Variants in CNTN1 observed in about 807,000 individuals in gnomAD.
The protein encoded by CNTN1 is contactin 1, also known as contactin-1.
CNTN1 carries 38 observed loss-of-function variants against 126.4 expected under a neutral mutation model. The observed-to-expected ratio is 0.30, with a 90% CI of 0.23 to 0.39. CNTN1 has a LOEUF of 0.39. CNTN1 is among the 10% of genes least tolerant of loss of function. The probability of loss-of-function intolerance (pLI) is 1.00; values close to 1 mark genes in which losing one functional copy is unlikely to be tolerated. For synonymous variants in CNTN1, 413 were observed against 422.6 expected, an observed-to-expected ratio of 0.98 and a Z score of 0.28; for missense variants, 1,009 against 1,248.4, an observed-to-expected ratio of 0.81 and a Z score of 2.89.
chr12:40,709,282 T>C (rs573425911), intron 1 of CNTN1, among the ~76,000 whole-genome samples: 1 of 152,330 alleles, frequency 6.6e-6, no homozygotes, highest in African/African-American at 2.4e-5. Context: ...AAAGATTGTT[T>C]TTTTTCTGAG....
intron 23 of CNTN1, among the ~76,000 whole-genome samples, chr12:41,030,271 T>C (rs1949121793): frequency 6.6e-6 from 1 of 152,082 alleles, no homozygotes; most frequent in African/African-American, 2.4e-5. Flanking sequence ...AAAAATCCTT[T>C]ACCACAATGC....
chr12:40,799,783 G>T (rs1236024761), intron 1 of CNTN1, among the ~76,000 whole-genome samples: 1 of 151,828 alleles, frequency 6.6e-6, no homozygotes, highest in Non-Finnish European at 1.5e-5. Context: ...CACTATGCTT[G>T]GTACGTTTTT....
At chr12:40,949,740 A>AT (rs924827274) in intron 14 of CNTN1, among the ~76,000 whole-genome samples, 4 of 150,192 alleles carry the variant, frequency 2.7e-5, no homozygotes, top group Admixed American at 6.6e-5. Flanking sequence ...ACACCTGACC[A>AT]TTTTTTTGTA....
At chr12:40,782,829 T>A (rs1283033055) in intron 1 of CNTN1, among the ~76,000 whole-genome samples, 1 of 151,876 alleles carries the variant, frequency 6.6e-6, no homozygotes, top group Non-Finnish European at 1.5e-5. Flanking sequence ...ATAAAAAAAA[T>A]TTAAAATGAC....
At chr12:40,945,374 C>G (rs1220244172) in intron 14 of CNTN1, among the ~76,000 whole-genome samples, 1 of 151,920 alleles carries the variant, frequency 6.6e-6, no homozygotes, top group Admixed American at 6.6e-5. Flanking sequence ...GGGTTTTATT[C>G]ATTTTAAAGG....
chr12:40,910,179 A>G (rs887328329), intron 3 of CNTN1, 74 bp downstream of exon 3: 37 of 1,187,948 alleles, frequency 3.1e-5, no homozygotes, highest in Admixed American at 5.2e-5. Context: ...GCTTTAAACT[A>G]TTAACTCTCT....
intron 1 of CNTN1, among the ~76,000 whole-genome samples, chr12:40,843,290 A>G (rs1942362001): frequency 6.6e-6 from 1 of 152,218 alleles, no homozygotes; most frequent in Non-Finnish European, 1.5e-5. Context: ...TATTGATTGG[A>G]AAATTAATGG....
intron 1 of CNTN1, among the ~76,000 whole-genome samples, chr12:40,816,096 C>T (rs1223132842): frequency 6.6e-6 from 1 of 152,046 alleles, no homozygotes. Context: ...ATCAGGGATA[C>T]TGGCCTGACA....
chr12:40,744,336 G>A (rs895488389), intron 1 of CNTN1, among the ~76,000 whole-genome samples: 1 of 151,742 alleles, frequency 6.6e-6, no homozygotes, highest in African/African-American at 2.4e-5. Flanking sequence ...AACAAAACAC[G>A]GAGATGAATG....
chr12:40,876,978 C>T (rs953072324), intron 1 of CNTN1, among the ~76,000 whole-genome samples: 1 of 152,004 alleles, frequency 6.6e-6, no homozygotes, highest in African/African-American at 2.4e-5. Context: ...GTTTCAAAAC[C>T]TAGGCACTCA....
intron 23 of CNTN1, among the ~76,000 whole-genome samples, chr12:41,066,555 T>C (rs1202076997): frequency 6.6e-6 from 1 of 152,184 alleles, no homozygotes; most frequent in Non-Finnish European, 1.5e-5. Flanking sequence ...GTTCATAATA[T>C]AGAGATATTA....
chr12:40,734,878 C>T (rs940959467), intron 1 of CNTN1, among the ~76,000 whole-genome samples: 2 of 151,966 alleles, frequency 1.3e-5, no homozygotes, highest in African/African-American at 4.8e-5. Context: ...TGTTTTCTCA[C>T]AAGAAGTATA....
intron 1 of CNTN1, among the ~76,000 whole-genome samples, chr12:40,755,570 AC>A (rs1938576686): frequency 6.6e-6 from 1 of 151,880 alleles, no homozygotes; most frequent in South Asian, 2.1e-4. Flanking sequence ...TTAAAAAAAA[AC>A]AGCTGGGCTT....
intron 1 of CNTN1, among the ~76,000 whole-genome samples, chr12:40,762,822 A>G (rs554809391): frequency 6.6e-6 from 1 of 152,198 alleles, no homozygotes; most frequent in African/African-American, 2.4e-5. Flanking sequence ...TAATAATAAT[A>G]ATGAAAGCAT....
intron 1 of CNTN1, among the ~76,000 whole-genome samples, chr12:40,715,607 C>T (rs1942029358): frequency 1.3e-5 from 2 of 152,044 alleles, no homozygotes; most frequent in African/African-American, 4.8e-5. Context: ...AGCAATAAAT[C>T]TGTTAGGGTC....
At chr12:40,899,945 A>T (rs1362105647) in intron 1 of CNTN1, among the ~76,000 whole-genome samples, 2 of 152,192 alleles carry the variant, frequency 1.3e-5, no homozygotes, top group African/African-American at 2.4e-5. Context: ...TTTTAAAAAA[A>T]TTAAGTAATA....
At chr12:40,986,702 T>C (rs1484006516) in intron 16 of CNTN1, among the ~76,000 whole-genome samples, 3 of 152,136 alleles carry the variant, frequency 2.0e-5, no homozygotes, top group Admixed American at 2.0e-4. Context: ...AGCAGATCTC[T>C]CTCAGCACTC....
At chr12:40,891,017 C>T (rs192740975) in intron 1 of CNTN1, among the ~76,000 whole-genome samples, 18 of 152,256 alleles carry the variant, frequency 1.2e-4, no homozygotes, top group African/African-American at 4.1e-4. Context: ...GGATATGGAA[C>T]AGCAGGAACC....
rs140603936 is a variant in CNTN1 at position 40,925,973 on chromosome 12, A to C, written c.496+1321A>C. On this transcript the variant is annotated intron_variant, in intron 6 of 23. Transcript: ENST00000551295. ...TTTGACCATATTCAATACTGGATGG[A>C]CTTCACTGCATCACTCATTGACTCA... Among the ~76,000 whole-genome samples, 1,319 of 151,068 alleles carry C rather than the reference A, an allele frequency of 8.7e-3. 17 individuals carry two copies. The highest frequency in any genetic ancestry group is 0.03 in the African/African-American group (1,252 of 41,136).
Sources: gnomAD v4.1 joint callset for allele counts (sites outside exome capture counted in the v4.1 genomes callset) on GRCh38, gnomAD v4.1.1 for gene constraint, MANE v1.5 for transcripts, NCBI Gene and HGNC (gene_info 2026-07-23, HGNC 2026-07-21) for gene names.